CELF1: variants seen among roughly 807,000 people sequenced by gnomAD.
CELF1 encodes 50 kDa nuclear polyadenylated RNA-binding protein.
Under a neutral mutation model 61.8 loss-of-function variants are expected in CELF1, and 10 were observed. The ratio of observed to expected loss-of-function variants is 0.16; its 90% CI spans 0.10 to 0.27. The LOEUF is 0.27. CELF1 is among the 10% of genes least tolerant of loss of function. The probability of loss-of-function intolerance (pLI) is 1.00; values close to 1 mark genes in which losing one functional copy is unlikely to be tolerated. For synonymous variants in CELF1, 236 were observed against 225.1 expected (o/e 1.05, Z -0.43); for missense variants, 380 against 639.1 (o/e 0.59, Z 4.37).
At chr11:47,474,292 G>A (rs2079013749) in intron 13 of CELF1, among the ~76,000 whole-genome samples, 1 of 152,124 alleles carries the variant, frequency 6.6e-6, no homozygotes, top group Non-Finnish European at 1.5e-5. Context: ...AACACATCAG[G>A]GAACATTGCT....
chr11:47,528,588 C>T (rs2096346955), intron 1 of CELF1, among the ~76,000 whole-genome samples: 1 of 151,826 alleles, frequency 6.6e-6, no homozygotes, highest in East Asian at 1.9e-4. Context: ...CACTGCACTC[C>T]AGCATGGAAA....
intron 2 of CELF1, 173 bp from the exon 3 acceptor site, chr11:47,499,777 C>T (rs750524645): frequency 3.7e-5 from 17 of 464,466 alleles, no homozygotes; most frequent in Non-Finnish European, 5.8e-5. Flanking sequence ...AGTGCTGATG[C>T]GCCAGGCTTG....
chr11:47,522,252 A>G (rs1035249877), intron 1 of CELF1, among the ~76,000 whole-genome samples: 6 of 149,380 alleles, frequency 4.0e-5, no homozygotes, highest in Admixed American at 2.0e-4. Context: ...TAGGCCGGGC[A>G]TGGTGGCTCA....
intron 1 of CELF1, among the ~76,000 whole-genome samples, chr11:47,547,642 C>G (rs140301537): frequency 7.4e-6 from 1 of 134,670 alleles, no homozygotes; most frequent in Non-Finnish European, 1.5e-5. Context: ...GCACTCCAGT[C>G]TAGGCGACAA....
intron 2 of CELF1, among the ~76,000 whole-genome samples, chr11:47,500,589 G>A (rs1366515872): frequency 6.6e-6 from 1 of 152,140 alleles, no homozygotes; most frequent in African/African-American, 2.4e-5. Context: ...AAGAAATGAA[G>A]TCTCTTCATT....
chr11:47,481,912 CTT>C (rs1239313470), intron 9 of CELF1, among the ~76,000 whole-genome samples: 1 of 152,168 alleles, frequency 6.6e-6, no homozygotes, highest in Non-Finnish European at 1.5e-5. Context: ...ATGTTAATCT[CTT>C]GATCTCCGCC....
At chr11:47,552,847 G>A (rs1347027323) in intron 1 of CELF1, 145 bp downstream of exon 1, 6 of 395,160 alleles carry the variant, frequency 1.5e-5, no homozygotes, top group East Asian at 1.1e-4. Context: ...CCTACCCCAG[G>A]ACGCAGGGAA....
chr11:47,539,359 C>T (rs1051371516), intron 1 of CELF1, among the ~76,000 whole-genome samples: 1 of 152,186 alleles, frequency 6.6e-6, no homozygotes, highest in African/African-American at 2.4e-5. Context: ...GGAAAAAGCA[C>T]TCTTCCCAAC....
At chr11:47,540,279 T>C (rs1307945731) in intron 1 of CELF1, among the ~76,000 whole-genome samples, 1 of 152,180 alleles carries the variant, frequency 6.6e-6, no homozygotes, top group Non-Finnish European at 1.5e-5. Context: ...TACTGAATCA[T>C]GAGCATGGAG....
chr11:47,494,806 C>T (rs2092745940), intron 3 of CELF1, among the ~76,000 whole-genome samples: 1 of 152,212 alleles, frequency 6.6e-6, no homozygotes, highest in South Asian at 2.1e-4. Context: ...CGATGATAGC[C>T]ACTAGCCACA....
chr11:47,533,807 C>A (rs866955518), intron 1 of CELF1, among the ~76,000 whole-genome samples: 25,240 of 67,338 alleles, frequency 0.37, 5,304 homozygotes, highest in South Asian at 0.46. Flanking sequence ...GAGACTCTCC[C>A]CCAAAAAAAA....
chr11:47,521,289 T>A (rs544759672), intron 1 of CELF1, among the ~76,000 whole-genome samples: 1 of 152,294 alleles, frequency 6.6e-6, no homozygotes, highest in South Asian at 2.1e-4. Context: ...AATGAACTAG[T>A]ACAGTTGATG....
At chr11:47,526,518 T>TCTAAA (rs1337523712) in intron 1 of CELF1, among the ~76,000 whole-genome samples, 1 of 152,212 alleles carries the variant, frequency 6.6e-6, no homozygotes, top group Non-Finnish European at 1.5e-5. Flanking sequence ...GAAAACATAT[T>TCTAAA]CTAAACTAAG....
At chr11:47,484,793 C>T (rs890132031) in intron 6 of CELF1, among the ~76,000 whole-genome samples, 1 of 152,208 alleles carries the variant, frequency 6.6e-6, no homozygotes, top group Non-Finnish European at 1.5e-5. Flanking sequence ...ATTCTCCTGC[C>T]TCAGCCTCCT....
Position 47,472,069 on chromosome 11 carries a change from A to ACT in CELF1, c.*160_*161insAG, listed in dbSNP as rs2077862652. 4 of 763,334 alleles carry ACT rather than the reference A, an allele frequency of 5.2e-6. No individual in the cohort carries two copies. The highest frequency in any genetic ancestry group is 8.4e-6 in the Non-Finnish European group (4 of 474,028). The allele number at this position is 763,334 out of a possible 1,614,324, so 47.3% of individuals were successfully genotyped here. ...TCTGTACGAAGCGAAACTCCCACAGAAGGCAGTAGCCGAGTCTTCAGGGCA... is the reference window on the plus strand; with the variant it reads ...TCTGTACGAAGCGAAACTCCCACAGACTAGGCAGTAGCCGAGTCTTCAGGGCA... On this transcript the variant is annotated 3_prime_UTR_variant, in exon 15 of 15. Transcript: ENST00000687097.
At chr11:47,552,876 G>A (rs1284421128) in intron 1 of CELF1, 116 bp downstream of exon 1, 2 of 395,500 alleles carry the variant, frequency 5.1e-6, no homozygotes, top group East Asian at 3.6e-5. Flanking sequence ...GGCCGCGCCC[G>A]GAGGGCCCTG....
At chr11:47,522,310 G>A (rs112371420) in intron 1 of CELF1, among the ~76,000 whole-genome samples, 3,135 of 151,684 alleles carry the variant, frequency 0.021, 123 homozygotes, top group African/African-American at 0.072. Context: ...TGGATCACCC[G>A]AGATCAGGAG....
intron 7 of CELF1, 114 bp from the exon 8 acceptor site, chr11:47,483,646 T>C (rs2084815416): frequency 1.3e-6 from 1 of 755,392 alleles, no homozygotes; most frequent in African/African-American, 1.7e-5. Context: ...AGTCCCTGTT[T>C]TCAGGGAATC....
At chr11:47,495,807 G>T in intron 3 of CELF1, 1 of 180,250 alleles carries the variant, frequency 5.5e-6, no homozygotes, top group Non-Finnish European at 1.1e-5. Context: ...TCTGTTCCTT[G>T]CAGCCAAACA....
Sources: gnomAD v4.1 joint callset for allele counts (sites outside exome capture counted in the v4.1 genomes callset) on GRCh38, gnomAD v4.1.1 for gene constraint, MANE v1.5 for transcripts, NCBI Gene and HGNC (gene_info 2026-07-23, HGNC 2026-07-21) for gene names.